Variants in TRPC5 observed in about 807,000 individuals in gnomAD.
The protein encoded by TRPC5 is transient receptor potential cation channel subfamily C member 5, also known as short transient receptor potential channel 5.
TRPC5 carries 9 observed loss-of-function variants against 56.5 expected under a neutral mutation model. The observed-to-expected ratio is 0.16, with a 90% CI of 0.10 to 0.28. The LOEUF is 0.28. TRPC5 is among the 10% of genes least tolerant of loss of function. TRPC5 has a pLI of 1.00. For missense variants in TRPC5, 469 were observed against 748.9 expected, an observed-to-expected ratio of 0.63 and a Z score of 4.36; for synonymous variants, 282 against 278.5, an observed-to-expected ratio of 1.01 and a Z score of -0.13.
Position 111,912,672 on chromosome X carries a change from C to T in TRPC5, c.519G>A (p.Gln173=), listed in dbSNP as rs996845458. 2 of 1,209,122 alleles carry T rather than the reference C, an allele frequency of 1.7e-6. No individual in the cohort carries two copies. Among genetic ancestry groups the T allele is most frequent in the African/African-American group, 3.5e-5 (2 of 56,883 alleles). Residue 173 remains glutamine, a synonymous_variant, in exon 3 of 11, where the codon CAG becomes CAA. Coordinates refer to ENST00000262839, the MANE Select transcript of TRPC5 (RefSeq NM_012471.3). ...QKRVTIPRPH[Q]IRCNCVECVS... is the part of the protein sequence containing the mutation. ...CACACTCCACACAGTTGCAGCGGAT[C>T]TGGTGGGGCCGTGGGATAGTGACCC...
At chrX:111,805,091 G>T (rs1921456043) in intron 7 of TRPC5, among the ~76,000 whole-genome samples, 1 of 111,952 alleles carries the variant, frequency 8.9e-6, no homozygotes, top group Non-Finnish European at 1.9e-5. Context: ...GGCCTTTTCT[G>T]CATCTATTGA....
chrX:112,071,746 A>G (rs146419642), intron 1 of TRPC5, among the ~76,000 whole-genome samples: 25 of 111,869 alleles, frequency 2.2e-4, no homozygotes, highest in African/African-American at 8.1e-4. Flanking sequence ...AAATGTGAAG[A>G]CCACTTTTAG....
chrX:112,006,216 A>T (rs1056968035), intron 1 of TRPC5, among the ~76,000 whole-genome samples: 1 of 111,131 alleles, frequency 9.0e-6, no homozygotes, highest in East Asian at 2.8e-4. Context: ...CATGAAAGGG[A>T]AGTAGAGGGC....
At chrX:111,826,014 CT>C (rs1922224943) in intron 7 of TRPC5, among the ~76,000 whole-genome samples, 1 of 112,062 alleles carries the variant, frequency 8.9e-6, no homozygotes, top group Non-Finnish European at 1.9e-5. Flanking sequence ...GGGAATAGAC[CT>C]GAGAGTAAGC....
At chrX:111,800,113 A>C (rs189856281) in intron 7 of TRPC5, among the ~76,000 whole-genome samples, 263 of 110,493 alleles carry the variant, frequency 2.4e-3, no homozygotes, top group African/African-American at 7.6e-3. Context: ...TCTCACACTG[A>C]GTGTACCTGC....
intron 7 of TRPC5, among the ~76,000 whole-genome samples, chrX:111,784,111 A>G (rs977918529): frequency 9.0e-6 from 1 of 111,693 alleles, no homozygotes. Flanking sequence ...TCAAAAGAGT[A>G]GAGTTAAACA....
At chrX:112,033,742 A>G (rs1929650932) in intron 1 of TRPC5, among the ~76,000 whole-genome samples, 1 of 111,061 alleles carries the variant, frequency 9.0e-6, no homozygotes, top group South Asian at 3.8e-4. Context: ...TTGCATGTGG[A>G]TATTTAGTTA....
chrX:111,909,343 TAAA>T lies in TRPC5; in HGVS notation c.900+2945_900+2947del, dbSNP rs1208828576. 2.3e-4 allele frequency among the ~76,000 whole-genome samples: 24 copies of T among 105,365 alleles called. No homozygotes were observed. The East Asian group carries it at 2.4e-3, about 10-fold the overall frequency. 91.5% of individuals were successfully genotyped at this position (105,365 alleles called of 115,157 possible). On this transcript the variant is annotated intron_variant, in intron 3 of 10. Transcript: ENST00000262839. The stretch of plus-strand genomic sequence containing the variant: ...AGCCTCCGTCTCAAAAATAAATAAA[TAAA>T]TAAATAAATAAATTAATTAATTAAT...
chrX:111,986,707 C>G (rs1188229771), intron 1 of TRPC5, among the ~76,000 whole-genome samples: 1 of 111,407 alleles, frequency 9.0e-6, no homozygotes, highest in Non-Finnish European at 1.9e-5. Flanking sequence ...TCGTTATGGG[C>G]TTCCCACATA....
intron 1 of TRPC5, among the ~76,000 whole-genome samples, chrX:111,974,991 C>G (rs1439383234): frequency 9.0e-6 from 1 of 111,010 alleles, no homozygotes; most frequent in African/African-American, 3.3e-5. Flanking sequence ...TTAAAGAGCT[C>G]TGAAATTTTC....
intron 2 of TRPC5, among the ~76,000 whole-genome samples, chrX:111,927,773 C>T (rs1926298772): frequency 9.1e-6 from 1 of 109,883 alleles, no homozygotes; most frequent in Admixed American, 9.7e-5. Context: ...TCTAGGCAAA[C>T]ATGAGGCAAA....
At chrX:112,001,384 G>A (rs1371860412) in intron 1 of TRPC5, among the ~76,000 whole-genome samples, 4 of 112,183 alleles carry the variant, frequency 3.6e-5, no homozygotes, top group African/African-American at 1.3e-4. Flanking sequence ...TTATTGGGTT[G>A]TAGTGAGAAT....
chrX:112,027,041 T>C (rs113798203), intron 1 of TRPC5, among the ~76,000 whole-genome samples: 2,672 of 111,665 alleles, frequency 0.024, 79 homozygotes, highest in African/African-American at 0.082. Flanking sequence ...TTTCCTGGAC[T>C]AGGGAGACAG....
At chrX:111,815,573 T>C (rs1188658423) in intron 7 of TRPC5, among the ~76,000 whole-genome samples, 1 of 110,205 alleles carries the variant, frequency 9.1e-6, no homozygotes, top group Admixed American at 9.7e-5. Flanking sequence ...ATACAAAAAT[T>C]AGCCAGGCAT....
chrX:111,901,065 G>C (rs752117440), intron 3 of TRPC5, among the ~76,000 whole-genome samples: 3 of 111,385 alleles, frequency 2.7e-5, no homozygotes, highest in African/African-American at 9.8e-5. Flanking sequence ...CAAGGAACTA[G>C]TTTTATAACT....
chrX:111,898,916 A>G (rs1737606469), intron 3 of TRPC5, among the ~76,000 whole-genome samples: 1 of 110,320 alleles, frequency 9.1e-6, no homozygotes, highest in Admixed American at 9.8e-5. Flanking sequence ...GATATAGCTA[A>G]TAAAAAGTCC....
intron 1 of TRPC5, among the ~76,000 whole-genome samples, chrX:112,060,214 T>A (rs763983799): frequency 9.2e-4 from 103 of 112,016 alleles, no homozygotes; most frequent in African/African-American, 3.3e-3. Flanking sequence ...ACCCCATAGT[T>A]TCACAGTTTT....
At chrX:111,886,695 A>G (rs1924514238) in intron 3 of TRPC5, among the ~76,000 whole-genome samples, 1 of 111,854 alleles carries the variant, frequency 8.9e-6, no homozygotes, top group Non-Finnish European at 1.9e-5. Context: ...GAGGCCAAAG[A>G]AAGAGATCAA....
intron 1 of TRPC5, among the ~76,000 whole-genome samples, chrX:112,063,831 G>T (rs780158170): frequency 1.8e-5 from 2 of 111,707 alleles, no homozygotes; most frequent in Non-Finnish European, 3.8e-5. Context: ...TCGCTCTGCC[G>T]CCCAGGCTGG....
Sources: gnomAD v4.1 joint callset for allele counts (sites outside exome capture counted in the v4.1 genomes callset) on GRCh38, gnomAD v4.1.1 for gene constraint, MANE v1.5 for transcripts, NCBI Gene and HGNC (gene_info 2026-07-23, HGNC 2026-07-21) for gene names.